The following WDFY4 variants were observed in gnomAD, a reference collection of about 807,000 sequenced individuals.
The protein encoded by WDFY4 is WDFY family member 4, also known as WD repeat- and FYVE domain-containing protein 4.
A neutral mutation model predicts 351.9 loss-of-function variants in WDFY4; 169 were observed. That is an observed-to-expected ratio of 0.48 (90% confidence interval 0.42 to 0.55). The LOEUF is 0.55. Among genes scored for constraint, WDFY4 ranks in the 20% least tolerant of loss-of-function variants. The pLI is 0.00. For missense variants in WDFY4, 3,803 were observed against 3,935.6 expected, an observed-to-expected ratio of 0.97 and a Z score of 0.90; for synonymous variants, 1,622 against 1,574.6, an observed-to-expected ratio of 1.03 and a Z score of -0.71.
intron 6 of WDFY4, among the ~76,000 whole-genome samples, 200 bp downstream of exon 6, chr10:48,726,270 A>G (rs1332390703): frequency 6.6e-6 from 1 of 152,220 alleles, no homozygotes; most frequent in African/African-American, 2.4e-5. Context: ...CCCTTCATGT[A>G]AGTGCTTTTC....
intron 39 of WDFY4, among the ~76,000 whole-genome samples, chr10:48,834,669 T>C (rs566911110): frequency 6.6e-6 from 1 of 152,302 alleles, no homozygotes; most frequent in Admixed American, 6.5e-5. Flanking sequence ...GAGCTTCTCT[T>C]CCTTGGCCAT....
chr10:48,841,218 G>T lies in WDFY4; in HGVS notation c.6663+8509G>T, dbSNP rs541072281. On this transcript the variant is annotated intron_variant, in intron 39 of 61. Transcript: ENST00000325239. ...ATTAAAGTTTCCATTGGGCTGTTCAGCTCTTGAGTGGTAGCAAGGTAATAA... is the reference window on the plus strand; with the variant it reads ...ATTAAAGTTTCCATTGGGCTGTTCATCTCTTGAGTGGTAGCAAGGTAATAA... Among the ~76,000 whole-genome samples the T allele has an allele frequency of 9.2e-5, 14 of 152,318 alleles. No homozygotes were observed. In the South Asian group the frequency reaches 2.1e-3, roughly 23 times the overall value.
At chr10:48,864,435 T>C (rs1026791777) in intron 39 of WDFY4, among the ~76,000 whole-genome samples, 8 of 152,234 alleles carry the variant, frequency 5.3e-5, no homozygotes, top group African/African-American at 1.9e-4. Context: ...ATTCCATTGA[T>C]GTATATATCT....
intron 47 of WDFY4, among the ~76,000 whole-genome samples, chr10:48,905,014 C>T (rs1033924724): frequency 6.6e-6 from 1 of 152,202 alleles, no homozygotes; most frequent in African/African-American, 2.4e-5. Context: ...TTTCTCTCTC[C>T]CTGGAGCAAT....
intron 23 of WDFY4, among the ~76,000 whole-genome samples, 163 bp downstream of exon 23, chr10:48,791,080 A>G (rs972546820): frequency 6.6e-6 from 1 of 152,218 alleles, no homozygotes. Context: ...TTCGCAGCAG[A>G]GGAGGGGCAG....
Position 48,981,430 on chromosome 10 carries a change from G to C in WDFY4, c.9440G>C (p.Gly3147Ala). Reference sequence around the variant, plus strand: ...CTGGACGTTAGCATTGCTTTGACAGGGAAGCCCAGCAAAACCAGCCCCGCA... The same window carrying C: ...CTGGACGTTAGCATTGCTTTGACAGCGAAGCCCAGCAAAACCAGCCCCGCA... Reference protein sequence around the residue: ...RELDVSIALTGKPSKTSPAVT... With the variant: ...RELDVSIALTAKPSKTSPAVT... Residue 3147 changes from glycine to alanine, a missense_variant, in exon 61 of 62, where the codon GGG becomes GCG. Gly to Ala is a moderately conservative substitution (Grantham distance 60). Around this residue, in one of 3 missense-constraint regions of WDFY4, gnomAD observed 3,054 missense variants for 3,148.6 expected, o/e 0.97. Transcript: ENST00000325239. 6.4e-7 allele frequency: 1 copy of C among 1,551,760 alleles called. No homozygotes were observed. The highest frequency in any genetic ancestry group is 1.4e-5 in the African/African-American group (1 of 73,178).
intron 13 of WDFY4, among the ~76,000 whole-genome samples, chr10:48,773,619 G>T (rs748054227): frequency 6.6e-6 from 1 of 152,216 alleles, no homozygotes; most frequent in Non-Finnish European, 1.5e-5. Flanking sequence ...CTAGTTCAGG[G>T]TTAAGATAAG....
At chr10:48,953,847 G>A (rs771821121) in intron 51 of WDFY4, among the ~76,000 whole-genome samples, 2 of 152,196 alleles carry the variant, frequency 1.3e-5, no homozygotes, top group Admixed American at 6.5e-5. Flanking sequence ...CATTGGAGAG[G>A]GGTTTATGAA....
chr10:48,837,999 A>G (rs1228513811), intron 39 of WDFY4, among the ~76,000 whole-genome samples: 1 of 152,220 alleles, frequency 6.6e-6, no homozygotes, highest in Non-Finnish European at 1.5e-5. Flanking sequence ...CCACAATTCC[A>G]TGGCTTTAGG....
At chr10:48,817,885 C>G (rs1176097581) in intron 32 of WDFY4, among the ~76,000 whole-genome samples, 1 of 152,208 alleles carries the variant, frequency 6.6e-6, no homozygotes, top group Non-Finnish European at 1.5e-5. Flanking sequence ...AGCTTAGAGC[C>G]AGACAAGCCA....
At chr10:48,969,795 C>T (rs1842258517) in intron 56 of WDFY4, among the ~76,000 whole-genome samples, 2 of 152,074 alleles carry the variant, frequency 1.3e-5, no homozygotes, top group Admixed American at 1.3e-4. Context: ...CTCTCCCCAG[C>T]CCCTCCCTAG....
chr10:48,872,274 A>C (rs934728988), intron 40 of WDFY4, among the ~76,000 whole-genome samples: 54 of 152,226 alleles, frequency 3.5e-4, no homozygotes, highest in African/African-American at 1.2e-3. Context: ...GCACTCATAA[A>C]ATAATAGCCC....
intron 47 of WDFY4, among the ~76,000 whole-genome samples, chr10:48,936,127 A>G (rs564202308): frequency 7.8e-4 from 119 of 152,318 alleles, no homozygotes; most frequent in African/African-American, 2.8e-3. Context: ...TTTCAAATCC[A>G]AAATTAAATT....
intron 35 of WDFY4, chr10:48,824,311 G>A (rs2067925256): frequency 4.8e-6 from 2 of 416,538 alleles, no homozygotes; most frequent in Admixed American, 6.4e-5. Context: ...TGACAAACAG[G>A]CAATATATGC....
At chr10:48,733,749 A>C (rs1207305000) in intron 9 of WDFY4, among the ~76,000 whole-genome samples, 182 bp from the exon 10 acceptor site, 1 of 152,234 alleles carries the variant, frequency 6.6e-6, no homozygotes, top group Non-Finnish European at 1.5e-5. Context: ...TGATGTGCTC[A>C]AAATGGAGAA....
At chr10:48,819,840 G>A (rs911845270) in intron 32 of WDFY4, among the ~76,000 whole-genome samples, 1 of 152,106 alleles carries the variant, frequency 6.6e-6, no homozygotes, top group South Asian at 2.1e-4. Context: ...CCAGGGGCTG[G>A]GCATTGCCAC....
chr10:48,818,623 A>G (rs1006596703), intron 32 of WDFY4, among the ~76,000 whole-genome samples: 1 of 152,062 alleles, frequency 6.6e-6, no homozygotes, highest in African/African-American at 2.4e-5. Flanking sequence ...TTTAAATCTC[A>G]CTCTTACCCC....
chr10:48,956,122 C>G (rs1469724846), intron 51 of WDFY4, among the ~76,000 whole-genome samples: 1 of 152,240 alleles, frequency 6.6e-6, no homozygotes, highest in Non-Finnish European at 1.5e-5. Context: ...CCCCCAAGAC[C>G]ACCTGGTGAA....
chr10:48,848,187 C>T (rs184877602), intron 39 of WDFY4, among the ~76,000 whole-genome samples: 84 of 152,296 alleles, frequency 5.5e-4, no homozygotes, highest in South Asian at 2.9e-3. Flanking sequence ...ACACACTGTG[C>T]CTTCTTCCTC....
Sources: allele counts gnomAD v4.1 joint callset (sites outside exome capture counted in the v4.1 genomes callset), GRCh38; gene constraint gnomAD v4.1.1; regional missense constraint gnomAD v4.1.1; transcripts MANE v1.5; gene names NCBI Gene and HGNC (gene_info 2026-07-23, HGNC 2026-07-21).